The following RIOK3 variants were observed in gnomAD, a reference collection of about 807,000 sequenced individuals.
RIOK3 encodes RIO kinase 3.
A neutral mutation model predicts 63.5 loss-of-function variants in RIOK3; 40 were observed. The observed-to-expected ratio is 0.63, with a 90% CI of 0.49 to 0.82. The LOEUF is 0.82. RIOK3 is among the 40% of genes least tolerant of loss of function. The probability of loss-of-function intolerance (pLI) is 0.00; values close to 1 mark genes in which losing one functional copy is unlikely to be tolerated. For synonymous variants in RIOK3, 193 were observed against 205.0 expected (o/e 0.94, Z 0.50); for missense variants, 557 against 637.0 (o/e 0.87, Z 1.35).
chr18:23,467,978 A>G (rs1436871163), intron 7 of RIOK3, among the ~76,000 whole-genome samples: 3 of 152,050 alleles, frequency 2.0e-5, no homozygotes, highest in African/African-American at 7.2e-5. Flanking sequence ...GGGTTTCGCC[A>G]TGTTGGCTAG....
chr18:23,476,948 A>G (rs2057495121), intron 9 of RIOK3, 58 bp from the exon 10 acceptor site: 2 of 1,422,060 alleles, frequency 1.4e-6, no homozygotes, highest in Non-Finnish European at 2.0e-6. Context: ...CAGGGGTGTC[A>G]TCATCAATAA....
intron 1 of RIOK3, among the ~76,000 whole-genome samples, chr18:23,454,922 T>A (rs193080809): frequency 6.6e-5 from 10 of 152,210 alleles, no homozygotes; most frequent in Non-Finnish European, 1.5e-4. Context: ...GAAGCCTACA[T>A]GGAGGAGGTG....
In RIOK3 at chr18:23,481,246, T is replaced by C. The variant is rs888614977; in HGVS notation, c.1527T>C (p.Asp509=). The C allele has an allele frequency of 3.7e-6, 6 of 1,610,690 alleles. No homozygotes were observed. The African/African-American group carries it at 6.7e-5, about 18-fold the overall frequency. The stretch of plus-strand genomic sequence containing the variant: ...GGAAAGCTGCTTCATTTTTGAAAGA[T>C]GATGGAGACCCACCACTACTATATG... ...NGRKAASFLK[D]DGDPPLLYDE Residue 509 remains aspartate (D), a synonymous_variant, in exon 13 of 13, where the codon GAT becomes GAC. Transcript: ENST00000339486.
chr18:23,479,880 T>C (rs2057520007), intron 12 of RIOK3, among the ~76,000 whole-genome samples: 1 of 152,140 alleles, frequency 6.6e-6, no homozygotes, highest in African/African-American at 2.4e-5. Context: ...CCCGGCCTGT[T>C]TTTTTCTATA....
At chr18:23,464,720 A>G in intron 5 of RIOK3, 92 bp downstream of exon 5, 2 of 622,536 alleles carry the variant, frequency 3.2e-6, no homozygotes, top group Non-Finnish European at 5.1e-6. Flanking sequence ...TTAGATTTCT[A>G]AAAATGTCTT....
At chr18:23,467,349 T>G (rs2057416352) in intron 6 of RIOK3, 50 bp from the exon 7 acceptor site, 1 of 1,558,220 alleles carries the variant, frequency 6.4e-7, no homozygotes. Context: ...GCTCAGAAAA[T>G]ATTTTGTGAT....
In RIOK3 at chr18:23,481,220, A is replaced by AG; in HGVS notation, c.1503dup (p.Lys502GlufsTer9). ...TGAAGATCACGTTCAGAAGAATGGA[A>AG]GGAAAGCTGCTTCATTTTTGAAAGA... On this transcript the variant is annotated frameshift_variant, in exon 13 of 13. Transcript: ENST00000339486. LOFTEE classifies it high-confidence loss of function. 1 of 1,612,672 alleles carries AG rather than the reference A, an allele frequency of 6.2e-7. No individual in the cohort carries two copies. The highest frequency in any genetic ancestry group is 1.1e-5 in the South Asian group (1 of 90,792).
intron 12 of RIOK3, 34 bp downstream of exon 12, chr18:23,479,458 G>T (rs1308008751): frequency 3.7e-6 from 5 of 1,337,660 alleles, no homozygotes; most frequent in Non-Finnish European, 5.4e-6. Context: ...CACCTTGCTG[G>T]TCATGCAGAA....
At chr18:23,455,229 G>A (rs528139194) in intron 1 of RIOK3, among the ~76,000 whole-genome samples, 3 of 151,678 alleles carry the variant, frequency 2.0e-5, no homozygotes, top group Non-Finnish European at 4.4e-5. Context: ...CTGCCACCAC[G>A]CCCAGCTGAT....
At chr18:23,469,191 C>G (rs950876440) in intron 7 of RIOK3, among the ~76,000 whole-genome samples, 6 of 152,174 alleles carry the variant, frequency 3.9e-5, no homozygotes, top group African/African-American at 1.4e-4. Flanking sequence ...ATAACCTAAC[C>G]AGGGAGTGGC....
At chr18:23,476,240 A>G (rs1289147746) in intron 9 of RIOK3, among the ~76,000 whole-genome samples, 1 of 152,182 alleles carries the variant, frequency 6.6e-6, no homozygotes, top group Non-Finnish European at 1.5e-5. Flanking sequence ...TTGAAATAGC[A>G]ACTGAATTCA....
chr18:23,473,575 C>T lies in RIOK3; in HGVS notation c.962C>T (p.Pro321Leu), dbSNP rs2057470305. 6.2e-7 allele frequency: 1 copy of T among 1,613,436 alleles called. No individual in the cohort carries two copies. Among genetic ancestry groups the T allele is most frequent in the Non-Finnish European group, 8.5e-7 (1 of 1,179,704 alleles). The stretch of plus-strand genomic sequence containing the variant: ...AAAGATCGCTTCAGTAAACTAAATC[C>T]ACGTAAGATCATCCGCATGTGGGCA... Reference protein sequence around the residue: ...RFKDRFSKLNPRKIIRMWAEK... With the variant: ...RFKDRFSKLNLRKIIRMWAEK... Residue 321 changes from proline (P) to leucine (L), a missense_variant, in exon 8 of 13, where the codon CCA becomes CTA. By Grantham distance (98) the Pro-to-Leu change is moderately conservative (BLOSUM62 -3). Transcript: ENST00000339486.
intron 12 of RIOK3, 75 bp downstream of exon 12, chr18:23,479,499 C>A: frequency 2.6e-6 from 2 of 766,054 alleles, no homozygotes; most frequent in Non-Finnish European, 4.4e-6. Flanking sequence ...AAACCCAGAG[C>A]TAGTTTTATC....
rs2291993 is a variant in RIOK3 at position 23,464,643 on chromosome 18, G to A, written c.543+15G>A. The A allele has an allele frequency of 0.33, 488,426 of 1,467,766 alleles. 82,979 individuals carry two copies. Among genetic ancestry groups the A allele is most frequent in the East Asian group, 0.39 (16,390 of 42,438 alleles). The allele number at this position is 1,467,766 out of a possible 1,614,324, so 90.9% of individuals were successfully genotyped here. ...GAATGGAAAATGTAAGTTACAGAAA[G>A]TATCTATCTCTGAATTTAGAGTTTT... On this transcript the variant is annotated intron_variant, in intron 5 of 12. Transcript: ENST00000339486.
chr18:23,473,400 A>G, intron 7 of RIOK3, 29 bp from the exon 8 acceptor site: 1 of 1,464,196 alleles, frequency 6.8e-7, no homozygotes, highest in Non-Finnish European at 9.5e-7. Context: ...GGCAACTTGT[A>G]CTGACTTGAT....
chr18:23,457,853 G>T (rs1350784206), intron 1 of RIOK3, among the ~76,000 whole-genome samples: 1 of 151,870 alleles, frequency 6.6e-6, no homozygotes, highest in Non-Finnish European at 1.5e-5. Context: ...TCCAGTAGAG[G>T]ACTGAATTTT....
In RIOK3 at chr18:23,464,566, G is replaced by T; in HGVS notation, c.481G>T (p.Asp161Tyr). ...AAAGGGCTTTATTGGAAAAGGAAAA[G>T]ATATCACCACCAAACATGATGAAGT... ...PKKGFIGKGKDITTKHDEVVC... is the reference protein window; with the variant it reads ...PKKGFIGKGKYITTKHDEVVC... The change falls in exon 5 of 13, where the codon GAT becomes TAT. Residue 161 changes from aspartate to tyrosine, a missense_variant. Asp to Tyr is a radical substitution (Grantham distance 160). Transcript: ENST00000339486. 1 of 1,608,632 alleles carries T rather than the reference G, an allele frequency of 6.2e-7. No homozygotes were observed. Among genetic ancestry groups the T allele is most frequent in the Non-Finnish European group, 8.5e-7 (1 of 1,178,738 alleles).
chr18:23,464,184 T>C lies in RIOK3; in HGVS notation c.326-22T>C, dbSNP rs528063256. The C allele has an allele frequency of 3.0e-5, 49 of 1,610,692 alleles. No homozygotes were observed. In the Admixed American group the frequency reaches 7.1e-4, roughly 23 times the overall value. On this transcript the variant is annotated intron_variant, in intron 3 of 12. Transcript: ENST00000339486. ...TCATAATGTGCTCCTAAGTAAATCT[T>C]CAACTATTTTTGCTTCTTAAGTTTC...
intron 7 of RIOK3, among the ~76,000 whole-genome samples, chr18:23,469,374 CCTCCCCTCCCTCCCCTCTCT>C (rs1316146421): frequency 0.076 from 208 of 2,742 alleles, 19 homozygotes; most frequent in African/African-American, 0.19. Flanking sequence ...TCCCTCCCTC[CCTCCCCTCCCTCCCCTCTCT>C]CCTCTCTCCC....
Sources: allele counts gnomAD v4.1 joint callset (sites outside exome capture counted in the v4.1 genomes callset), GRCh38; gene constraint gnomAD v4.1.1; transcripts MANE v1.5; gene names NCBI Gene and HGNC (gene_info 2026-07-23, HGNC 2026-07-21).